The following RBFOX1 variants were observed in gnomAD, a reference collection of about 807,000 sequenced individuals.
RBFOX1 encodes the protein RNA binding protein fox-1 homolog 1.
In RBFOX1, 8 loss-of-function variants were observed where a neutral mutation model predicts 57.7. That is an observed-to-expected ratio of 0.14 (90% CI 0.08 to 0.25). RBFOX1 has a LOEUF of 0.25. RBFOX1 is among the 10% of genes least tolerant of loss of function. The probability of loss-of-function intolerance (pLI) is 1.00; values close to 1 mark genes in which losing one functional copy is unlikely to be tolerated. For synonymous variants in RBFOX1, 326 were observed against 222.4 expected (o/e 1.47, Z -4.15); for missense variants, 611 against 548.5 (o/e 1.11, Z -1.14).
At position 7,066,392 on chromosome 16, in the gene RBFOX1, G is replaced by C. The variant is rs181469198; in HGVS notation, c.27+14294G>C. The stretch of plus-strand genomic sequence containing the variant: ...CATTGTGAGGCTAAGATACGAGAAG[G>C]GTATGGTTTTCTTTATTGATTTGGA... On this transcript the variant is annotated intron_variant, in intron 4 of 15. Transcript: ENST00000550418. 5.2e-4 allele frequency among the ~76,000 whole-genome samples: 79 copies of C among 152,262 alleles called. 1 individual carries two copies. Among genetic ancestry groups the C allele is most frequent in the African/African-American group, 1.9e-3 (77 of 41,554 alleles).
chr16:6,962,442 A>G (rs1460810598), intron 3 of RBFOX1, among the ~76,000 whole-genome samples: 2 of 152,168 alleles, frequency 1.3e-5, no homozygotes, highest in African/African-American at 4.8e-5. Context: ...TTTCTGTTAC[A>G]TATATGACAT....
At chr16:7,039,432 G>T (rs185167842) in intron 3 of RBFOX1, among the ~76,000 whole-genome samples, 4 of 152,272 alleles carry the variant, frequency 2.6e-5, no homozygotes, top group African/African-American at 9.6e-5. Flanking sequence ...ATTTTCTCAA[G>T]TGTATTTTGT....
At chr16:5,551,303 C>A (rs933436908) in intron 2 of RBFOX1, among the ~76,000 whole-genome samples, 1 of 152,182 alleles carries the variant, frequency 6.6e-6, no homozygotes, top group Non-Finnish European at 1.5e-5. Context: ...CTTCAGCATC[C>A]ATGGAGGCAG....
chr16:7,351,542 A>G (rs2145978109), intron 4 of RBFOX1, among the ~76,000 whole-genome samples: 1 of 152,352 alleles, frequency 6.6e-6, no homozygotes, highest in African/African-American at 2.4e-5. Flanking sequence ...TGCTATGAAG[A>G]AAATAATGTA....
chr16:5,687,787 G>T (rs1359472034), intron 3 of RBFOX1, among the ~76,000 whole-genome samples: 2 of 152,156 alleles, frequency 1.3e-5, no homozygotes, highest in East Asian at 1.9e-4. Flanking sequence ...TCTGCTGTCG[G>T]AGTCTGAAGT....
At chr16:7,534,558 C>T (rs10459829) in intron 5 of RBFOX1, among the ~76,000 whole-genome samples, 6,157 of 152,192 alleles carry the variant, frequency 0.04, 191 homozygotes, top group East Asian at 0.11. Flanking sequence ...CCTGGAAGCC[C>T]GATTCGATCC....
chr16:5,630,221 T>C (rs9937143), intron 3 of RBFOX1, among the ~76,000 whole-genome samples: 128,089 of 152,070 alleles, frequency 0.84, 54,421 homozygotes, highest in African/African-American at 0.88. Context: ...CTTTGGGAGG[T>C]CAAAGTGAGT....
At chr16:5,998,638 C>G (rs1269000520) in intron 4 of RBFOX1, among the ~76,000 whole-genome samples, 1 of 152,168 alleles carries the variant, frequency 6.6e-6, no homozygotes, top group Non-Finnish European at 1.5e-5. Context: ...CTCCCTCACC[C>G]TTTTCCAAAT....
chr16:6,400,581 T>TAA (rs1334367333), intron 2 of RBFOX1, among the ~76,000 whole-genome samples: 3 of 152,036 alleles, frequency 2.0e-5, no homozygotes, highest in Non-Finnish European at 4.4e-5. Flanking sequence ...ATGGGAATAG[T>TAA]AAATATAAAA....
intron 1 of RBFOX1, among the ~76,000 whole-genome samples, chr16:6,075,673 A>G (rs899866975): frequency 1.6e-4 from 25 of 152,232 alleles, no homozygotes; most frequent in African/African-American, 5.3e-4. Context: ...TGCATTCAAT[A>G]CAGAGTTGGA....
chr16:6,328,911 A>T (rs144552334), intron 2 of RBFOX1, among the ~76,000 whole-genome samples: 2 of 152,246 alleles, frequency 1.3e-5, no homozygotes, highest in Non-Finnish European at 2.9e-5. Context: ...AAGAGAGAAA[A>T]TGAAAGACAA....
chr16:7,068,850 A>G (rs2881359), intron 4 of RBFOX1, among the ~76,000 whole-genome samples: 91,316 of 152,122 alleles, frequency 0.6, 31,366 homozygotes, highest in East Asian at 0.9. Flanking sequence ...TGGCCTCCCA[A>G]TGTGCTGGGG....
At chr16:7,260,208 C>T (rs921004695) in intron 4 of RBFOX1, among the ~76,000 whole-genome samples, 5 of 152,180 alleles carry the variant, frequency 3.3e-5, no homozygotes, top group East Asian at 3.9e-4. Context: ...ATGCTTTTAG[C>T]GTAATTAAAG....
At chr16:5,707,015 G>T (rs2051275513) in intron 3 of RBFOX1, among the ~76,000 whole-genome samples, 1 of 152,136 alleles carries the variant, frequency 6.6e-6, no homozygotes, top group Non-Finnish European at 1.5e-5. Context: ...GAATGCTTGA[G>T]GCCATCTCTC....
intron 2 of RBFOX1, among the ~76,000 whole-genome samples, chr16:6,393,038 G>C (rs141063630): frequency 6.6e-6 from 1 of 152,144 alleles, no homozygotes; most frequent in Non-Finnish European, 1.5e-5. Flanking sequence ...TGAACAATAG[G>C]CTGGGACACT....
At chr16:7,479,268 CAT>C (rs2063394455) in intron 4 of RBFOX1, among the ~76,000 whole-genome samples, 1 of 151,934 alleles carries the variant, frequency 6.6e-6, no homozygotes, top group South Asian at 2.1e-4. Context: ...GGATTACAGG[CAT>C]GCACCACCAC....
intron 4 of RBFOX1, among the ~76,000 whole-genome samples, chr16:5,955,418 C>A (rs891272068): frequency 5.4e-5 from 8 of 149,248 alleles, no homozygotes; most frequent in East Asian, 1.9e-4. Context: ...AAATAAAAGT[C>A]TTTCCTCAGT....
At chr16:6,970,471 C>T (rs1164787847) in intron 3 of RBFOX1, among the ~76,000 whole-genome samples, 2 of 152,092 alleles carry the variant, frequency 1.3e-5, no homozygotes, top group African/African-American at 4.8e-5. Flanking sequence ...AATGGGAGTA[C>T]ATTGCTCACA....
chr16:6,820,103 T>A (rs1196644556), intron 3 of RBFOX1, among the ~76,000 whole-genome samples: 2 of 152,142 alleles, frequency 1.3e-5, no homozygotes, highest in Non-Finnish European at 1.5e-5. Flanking sequence ...AGTGAGTAAG[T>A]CTCATGAAAT....
Sources: allele counts gnomAD v4.1 joint callset (sites outside exome capture counted in the v4.1 genomes callset), GRCh38; gene constraint gnomAD v4.1.1; transcripts MANE v1.5; gene names NCBI Gene and HGNC (gene_info 2026-07-23, HGNC 2026-07-21).